The following LRRC3B variants were observed in gnomAD, a reference collection of about 807,000 sequenced individuals.
LRRC3B encodes the protein leucine-rich repeat-containing protein 3B.
A neutral mutation model predicts 12.8 loss-of-function variants in LRRC3B; 2 were observed. The ratio of observed to expected loss-of-function variants is 0.16; its 90% CI spans 0.06 to 0.49. The LOEUF is 0.49. LRRC3B is among the 20% of genes least tolerant of loss of function. The probability of loss-of-function intolerance (pLI) is 0.96; values close to 1 mark genes in which losing one functional copy is unlikely to be tolerated. For missense variants in LRRC3B, 189 were observed against 319.4 expected (o/e 0.59, Z 3.11); for synonymous variants, 132 against 122.0 (o/e 1.08, Z -0.54).
At chr3:26,690,956 A>G (rs2125449049) in intron 1 of LRRC3B, among the ~76,000 whole-genome samples, 1 of 151,516 alleles carries the variant, frequency 6.6e-6, no homozygotes, top group East Asian at 1.9e-4. Context: ...TACAAATATT[A>G]GTTGATTGGC....
chr3:26,697,059 CT>C (rs1700334996), intron 1 of LRRC3B, among the ~76,000 whole-genome samples: 1 of 152,170 alleles, frequency 6.6e-6, no homozygotes, highest in Non-Finnish European at 1.5e-5. Flanking sequence ...GCAGCAAAAA[CT>C]CTTAACTCAC....
At chr3:26,663,048 G>A (rs1293389597) in intron 1 of LRRC3B, among the ~76,000 whole-genome samples, 1 of 152,128 alleles carries the variant, frequency 6.6e-6, no homozygotes, top group African/African-American at 2.4e-5. Flanking sequence ...CTTTCATGTT[G>A]ATTCCCAGTG....
At chr3:26,700,150 AACTG>A (rs1700417924) in intron 1 of LRRC3B, among the ~76,000 whole-genome samples, 1 of 152,168 alleles carries the variant, frequency 6.6e-6, no homozygotes, top group African/African-American at 2.4e-5. Flanking sequence ...GTAGTGCCTT[AACTG>A]ACTGAGATCT....
At chr3:26,691,966 G>C (rs972282802) in intron 1 of LRRC3B, among the ~76,000 whole-genome samples, 5 of 152,102 alleles carry the variant, frequency 3.3e-5, no homozygotes, top group Non-Finnish European at 2.9e-5. Context: ...GTTTGTCTTC[G>C]TGTTTGCAAA....
intron 1 of LRRC3B, among the ~76,000 whole-genome samples, chr3:26,671,564 T>C (rs1222490072): frequency 6.6e-6 from 1 of 151,242 alleles, no homozygotes; most frequent in East Asian, 2.0e-4. Flanking sequence ...GCTAATTTTT[T>C]TGTATTTTTT....
At chr3:26,647,221 C>G (rs1338824660) in intron 1 of LRRC3B, among the ~76,000 whole-genome samples, 2 of 152,156 alleles carry the variant, frequency 1.3e-5, no homozygotes, top group African/African-American at 4.8e-5. Flanking sequence ...CTCCCTCTGT[C>G]ACCCTCCAAC....
At chr3:26,641,362 C>T (rs909424696) in intron 1 of LRRC3B, among the ~76,000 whole-genome samples, 2 of 152,180 alleles carry the variant, frequency 1.3e-5, no homozygotes, top group African/African-American at 2.4e-5. Flanking sequence ...TGTGCTCTCC[C>T]TAACACTGCC....
chr3:26,638,913 T>C (rs2125406292), intron 1 of LRRC3B, among the ~76,000 whole-genome samples: 1 of 152,310 alleles, frequency 6.6e-6, no homozygotes, highest in East Asian at 1.9e-4. Flanking sequence ...TAAGGATTTT[T>C]TTGGAAGGGG....
intron 1 of LRRC3B, chr3:26,625,226 C>T (rs1187540070): frequency 6.6e-6 from 1 of 152,302 alleles, no homozygotes; most frequent in East Asian, 1.9e-4. Flanking sequence ...AAGCAAAATT[C>T]AGAGCAGTTC....
intron 1 of LRRC3B, chr3:26,701,307 C>T (rs1700447946): frequency 6.6e-6 from 1 of 152,126 alleles, no homozygotes; most frequent in South Asian, 2.1e-4. Flanking sequence ...GTGAGCATAA[C>T]TGGGTGGCAG....
chr3:26,682,885 T>A (rs1265353199), intron 1 of LRRC3B, among the ~76,000 whole-genome samples: 1 of 152,238 alleles, frequency 6.6e-6, no homozygotes, highest in Non-Finnish European at 1.5e-5. Context: ...TTTTCCATTT[T>A]GTTTACCCCA....
At chr3:26,647,190 C>T (rs749143923) in intron 1 of LRRC3B, among the ~76,000 whole-genome samples, 9 of 152,144 alleles carry the variant, frequency 5.9e-5, no homozygotes, top group Non-Finnish European at 1.3e-4. Flanking sequence ...GCTCAAATGT[C>T]ACCCCTAAGA....
intron 1 of LRRC3B, among the ~76,000 whole-genome samples, chr3:26,656,677 G>A (rs1699378068): frequency 2.0e-5 from 3 of 152,158 alleles, no homozygotes; most frequent in Admixed American, 6.5e-5. Context: ...GGGAAGGAGA[G>A]GAAAGCATTT....
At chr3:26,706,674 A>G (rs1032501075) in intron 1 of LRRC3B, among the ~76,000 whole-genome samples, 5 of 152,140 alleles carry the variant, frequency 3.3e-5, no homozygotes, top group African/African-American at 1.2e-4. Context: ...TGTGACCATG[A>G]CCATTGGACT....
At chr3:26,656,078 C>T (rs1699366099) in intron 1 of LRRC3B, among the ~76,000 whole-genome samples, 1 of 152,026 alleles carries the variant, frequency 6.6e-6, no homozygotes, top group Admixed American at 6.5e-5. Context: ...TATTTTAGCT[C>T]AATGATTTAT....
chr3:26,710,654 CG>C (rs1199646211), exon 2 of LRRC3B: 12 of 490,042 alleles, frequency 2.4e-5, no homozygotes, highest in Admixed American at 7.3e-5. Flanking sequence ...ATTGTACCCC[CG>C]ATGGTATATT....
intron 1 of LRRC3B, among the ~76,000 whole-genome samples, chr3:26,650,959 A>G (rs968526412): frequency 3.9e-5 from 6 of 152,236 alleles, no homozygotes; most frequent in African/African-American, 1.4e-4. Context: ...CAGAGATTGT[A>G]AAAATGAAGA....
rs188587787 is a variant in LRRC3B, at chr3:26,636,852, C to T, written c.-161+13615C>T. 2.6e-4 allele frequency among the ~76,000 whole-genome samples: 23 copies of T among 88,794 alleles called. 1 individual carries two copies. Among genetic ancestry groups the T allele is most frequent in the African/African-American group, 4.5e-4 (8 of 17,924 alleles). 58.3% of individuals were successfully genotyped at this position (88,794 alleles called of 152,430 possible). ...TCCCTCCCTCCCTGCCTCCCTCCCT[C>T]CCTCCCTCCCTCCCTTCCTTCCTTC... On this transcript the variant is annotated intron_variant, in intron 1 of 1. Transcript: ENST00000396641.
intron 1 of LRRC3B, among the ~76,000 whole-genome samples, chr3:26,655,196 T>C (rs1245316445): frequency 2.6e-5 from 4 of 152,212 alleles, no homozygotes; most frequent in Non-Finnish European, 4.4e-5. Context: ...TTAGATACTC[T>C]ACTGCAGTGA....
Sources: allele counts gnomAD v4.1 joint callset (sites outside exome capture counted in the v4.1 genomes callset), GRCh38; gene constraint gnomAD v4.1.1; transcripts MANE v1.5; gene names NCBI Gene and HGNC (gene_info 2026-07-23, HGNC 2026-07-21).